Variants in CHLSN observed in about 807,000 individuals in gnomAD.
The protein encoded by CHLSN is protein cholesin.
the CHLSN span, chr7:1,093,747 A>C: frequency 2.2e-6 from 1 of 454,520 alleles, no homozygotes; most frequent in African/African-American, 2.0e-5. Flanking sequence ...TTCCCATAAA[A>C]TGTAAGAAAA....
At chr7:1,099,614 C>T in the CHLSN span, among the ~76,000 whole-genome samples, 15 of 152,078 alleles carry the variant, frequency 9.9e-5, no homozygotes, top group Non-Finnish European at 4.4e-5. Context: ...AGGAAAAGAG[C>T]GTTAGTCAAA....
At chr7:1,007,022 G>A in the CHLSN span, among the ~76,000 whole-genome samples, 1 of 152,358 alleles carries the variant, frequency 6.6e-6, no homozygotes, top group South Asian at 2.1e-4. Flanking sequence ...GGGTTCTAGG[G>A]ACGGGGCATG....
chr7:988,273 A>C, the CHLSN span: 1 of 1,574,596 alleles, frequency 6.4e-7, no homozygotes, highest in South Asian at 1.2e-5. Context: ...GGCTGCCCCC[A>C]CAGGGCACGC....
chr7:1,021,200 T>G, the CHLSN span, among the ~76,000 whole-genome samples: 2 of 150,550 alleles, frequency 1.3e-5, no homozygotes, highest in Admixed American at 6.6e-5. Flanking sequence ...GTTGGGGACC[T>G]CCAGACTGGG....
At chr7:1,007,473 A>G in the CHLSN span, among the ~76,000 whole-genome samples, 1 of 152,116 alleles carries the variant, frequency 6.6e-6, no homozygotes, top group East Asian at 1.9e-4. Context: ...CTCTTTGGAA[A>G]ACCCTGAGTT....
At chr7:1,002,252 G>A in the CHLSN span, among the ~76,000 whole-genome samples, 1 of 118,634 alleles carries the variant, frequency 8.4e-6, no homozygotes, top group African/African-American at 3.4e-5. Context: ...GGTGAGTGGA[G>A]TCCTGTGGGT....
the CHLSN span, among the ~76,000 whole-genome samples, chr7:1,021,112 C>G: frequency 6.6e-6 from 1 of 151,858 alleles, no homozygotes; most frequent in African/African-American, 2.4e-5. Flanking sequence ...GCAGGGAACT[C>G]CAGGTTGGGA....
chr7:1,060,874 A>G, the CHLSN span, among the ~76,000 whole-genome samples: 1 of 152,094 alleles, frequency 6.6e-6, no homozygotes, highest in Non-Finnish European at 1.5e-5. Flanking sequence ...CTGGCATCCG[A>G]TGAGGAAGTG....
chr7:997,783 T>C, the CHLSN span: 1 of 1,605,612 alleles, frequency 6.2e-7, no homozygotes, highest in Non-Finnish European at 8.5e-7. Context: ...GCCAGCAGGG[T>C]GGAGAAGTGC....
At chr7:986,704 C>A in the CHLSN span, 1 of 1,612,376 alleles carries the variant, frequency 6.2e-7, no homozygotes, top group South Asian at 1.1e-5. Flanking sequence ...AGGTCCGTGC[C>A]ATTCTGAGGA....
the CHLSN span, among the ~76,000 whole-genome samples, chr7:1,134,055 T>G: frequency 1.3e-5 from 2 of 152,074 alleles, no homozygotes; most frequent in South Asian, 4.2e-4. Flanking sequence ...TCCTCCCACC[T>G]TGGACTGCTG....
chr7:987,580 C>T, the CHLSN span: 18 of 1,449,210 alleles, frequency 1.2e-5, no homozygotes, highest in Admixed American at 4.6e-5. Flanking sequence ...GGGTAGGCCT[C>T]GGCGGGGGTC....
At chr7:991,754 A>G in the CHLSN span, among the ~76,000 whole-genome samples, 1 of 152,352 alleles carries the variant, frequency 6.6e-6, no homozygotes, top group Admixed American at 6.5e-5. Flanking sequence ...GTTGAAGTGC[A>G]CAGTTCAGGG....
At chr7:1,048,925 G>C in the CHLSN span, among the ~76,000 whole-genome samples, 4 of 152,230 alleles carry the variant, frequency 2.6e-5, no homozygotes, top group Non-Finnish European at 4.4e-5. Context: ...CTCCAGTTTA[G>C]TACTAGTGAA....
chr7:1,092,315 T>G, the CHLSN span: 1 of 1,611,952 alleles, frequency 6.2e-7, no homozygotes, highest in Non-Finnish European at 8.5e-7. Flanking sequence ...TTCACCGCCG[T>G]GCACCTGCAG....
the CHLSN span, among the ~76,000 whole-genome samples, chr7:1,136,201 AATAT>A: frequency 9.4e-6 from 1 of 106,154 alleles, no homozygotes; most frequent in African/African-American, 4.5e-5. Context: ...TATATACACA[AATAT>A]ATAAATATAT....
At chr7:1,070,943 A>G in the CHLSN span, among the ~76,000 whole-genome samples, 8 of 119,958 alleles carry the variant, frequency 6.7e-5, no homozygotes, top group Non-Finnish European at 1.1e-4. Flanking sequence ...GCACACATGC[A>G]CACACACACA....
chr7:1,044,934 C>T, the CHLSN span, among the ~76,000 whole-genome samples: 5 of 152,370 alleles, frequency 3.3e-5, no homozygotes, highest in Admixed American at 6.5e-5. Context: ...GGCGGCACAG[C>T]GCCGCCACCG....
chr7:1,110,239 C>T, the CHLSN span, among the ~76,000 whole-genome samples: 3 of 152,234 alleles, frequency 2.0e-5, no homozygotes, highest in Non-Finnish European at 2.9e-5. Context: ...CCTCGAGATG[C>T]CAGGAAGGAA....
Sources: gnomAD v4.1 joint callset for allele counts (sites outside exome capture counted in the v4.1 genomes callset) on GRCh38, gnomAD v4.1.1 for gene constraint, MANE v1.5 for transcripts, NCBI Gene and HGNC (gene_info 2026-07-23, HGNC 2026-07-21) for gene names.